TBCE: variants seen among roughly 807,000 people sequenced by gnomAD.
TBCE encodes the protein tubulin folding cofactor E.
In TBCE, 53 loss-of-function variants were observed where a neutral mutation model predicts 77.0. The observed-to-expected ratio is 0.69, with a 90% CI of 0.55 to 0.87. The LOEUF is 0.87. Ranked by LOEUF, TBCE falls within the 40% of genes least tolerant of loss-of-function variation. The probability of loss-of-function intolerance (pLI) is 0.00; values close to 1 mark genes in which losing one functional copy is unlikely to be tolerated. For synonymous variants in TBCE, 235 were observed against 241.3 expected (o/e 0.97, Z 0.24); for missense variants, 624 against 622.4 (o/e 1.00, Z -0.03).
At position 235,449,011 on chromosome 1, in the gene TBCE, A is replaced by T; in HGVS notation, c.*249A>T. On this transcript the variant is annotated 3_prime_UTR_variant, in exon 17 of 17. Transcript: ENST00000642610. ...TTCATATTTATTTTTACAGCTCATCACTGCATTTCATGATAAGATTTAAAT... is the reference window on the plus strand; with the variant it reads ...TTCATATTTATTTTTACAGCTCATCTCTGCATTTCATGATAAGATTTAAAT... 2.5e-6 allele frequency: 1 copy of T among 400,226 alleles called. No individual in the cohort carries two copies. The highest frequency in any genetic ancestry group is 4.7e-6 in the Non-Finnish European group (1 of 213,918). The allele number at this position is 400,226 out of a possible 1,614,324, so 24.8% of individuals were successfully genotyped here.
chr1:235,373,000 T>C (rs988813862), intron 1 of TBCE, among the ~76,000 whole-genome samples: 20 of 151,392 alleles, frequency 1.3e-4, no homozygotes, highest in African/African-American at 4.9e-4. Flanking sequence ...AGATGATTAA[T>C]GTGTTGACTC....
At chr1:235,393,527 G>A (rs1267874975) in intron 2 of TBCE, among the ~76,000 whole-genome samples, 1 of 152,168 alleles carries the variant, frequency 6.6e-6, no homozygotes, top group Non-Finnish European at 1.5e-5. Context: ...GACAGAGTGA[G>A]ACTGTCTAAA....
chr1:235,417,243 A>G (rs1271897985), intron 4 of TBCE, among the ~76,000 whole-genome samples: 1 of 152,180 alleles, frequency 6.6e-6, no homozygotes, highest in East Asian at 1.9e-4. Context: ...TGCCAAGTTG[A>G]CCTGGCAAAG....
At chr1:235,381,001 T>A (rs1304685507) in intron 2 of TBCE, among the ~76,000 whole-genome samples, 1 of 145,492 alleles carries the variant, frequency 6.9e-6, no homozygotes, top group African/African-American at 2.7e-5. Context: ...GTCAGGCTGG[T>A]CTCGAACTCC....
chr1:235,440,466 C>G (rs1681801616), intron 13 of TBCE, among the ~76,000 whole-genome samples: 1 of 152,056 alleles, frequency 6.6e-6, no homozygotes, highest in South Asian at 2.1e-4. Flanking sequence ...GATCTCGGCT[C>G]ACTGCAACCT....
chr1:235,398,747 CTACAGCTACTGT>C (rs1336175021), intron 2 of TBCE, among the ~76,000 whole-genome samples: 2 of 118,656 alleles, frequency 1.7e-5, no homozygotes, highest in African/African-American at 6.0e-5. Context: ...GTAGCTGGGA[CTACAGCTACTGT>C]AGTCCCAGCT....
chr1:235,430,647 A>G, intron 6 of TBCE, 58 bp from the exon 7 acceptor site: 5 of 1,250,104 alleles, frequency 4.0e-6, no homozygotes, highest in Non-Finnish European at 5.7e-6. Flanking sequence ...TTCAACAACT[A>G]TTTCAGTTGG....
At position 235,436,430 on chromosome 1, in the gene TBCE, A is replaced by G. The variant is rs771220087; in HGVS notation, c.878A>G (p.His293Arg). Residue 293 changes from histidine (H) to arginine (R), a missense_variant, in exon 10 of 17, where the codon CAT (histidine) becomes CGT (arginine). Transcript: ENST00000642610. ...TCTGACACTGGAATTTCTTCTCTACATTTTCCGGATGCTGGAATTGGTATA... is the reference window on the plus strand; with the variant it reads ...TCTGACACTGGAATTTCTTCTCTACGTTTTCCGGATGCTGGAATTGGTATA... ...ILSDTGISSLHFPDAGIGCKT... is the reference protein window; with the variant it reads ...ILSDTGISSLRFPDAGIGCKT... The G allele has an allele frequency of 9.9e-6, 16 of 1,613,788 alleles. No individual in the cohort carries two copies. The highest frequency in any genetic ancestry group is 1.7e-5 in the Admixed American group (1 of 59,964).
chr1:235,387,632 C>T (rs189636906), intron 2 of TBCE, among the ~76,000 whole-genome samples: 4 of 152,248 alleles, frequency 2.6e-5, no homozygotes, highest in South Asian at 2.1e-4. Flanking sequence ...CCTGGTGTGC[C>T]GTTTTTTAAG....
chr1:235,376,173 T>A (rs929635933), intron 1 of TBCE, among the ~76,000 whole-genome samples: 63 of 151,964 alleles, frequency 4.1e-4, no homozygotes, highest in Middle Eastern at 3.4e-3. Flanking sequence ...AAAAAAAAAA[T>A]TGTTACTGGA....
rs1682818290 is a variant in TBCE, at chr1:235,450,284, C to T, written c.*1522C>T. On this transcript the variant is annotated 3_prime_UTR_variant, in exon 17 of 17. Coordinates refer to ENST00000642610, the MANE Select transcript of TBCE (RefSeq NM_003193.5). ...GTTCCGTCAGTTCCCACGGAGAATA[C>T]TGAGGAGAAGACAGCATTCCTGTCT... 3.7e-6 allele frequency: 6 copies of T among 1,613,988 alleles called. No homozygotes were observed. The highest frequency in any genetic ancestry group is 5.1e-6 in the Non-Finnish European group (6 of 1,179,858).
chr1:235,369,824 C>T (rs1676796865), intron 1 of TBCE, among the ~76,000 whole-genome samples: 1 of 146,536 alleles, frequency 6.8e-6, no homozygotes, highest in East Asian at 1.9e-4. Context: ...AAGGGCAAAA[C>T]TCTGTCTCAA....
intron 2 of TBCE, among the ~76,000 whole-genome samples, chr1:235,391,932 T>C (rs1384300758): frequency 2.0e-5 from 3 of 152,072 alleles, no homozygotes; most frequent in Non-Finnish European, 4.4e-5. Context: ...GCTTAAGCAT[T>C]TTAAATTATA....
At chr1:235,408,767 C>T (rs535775019) in intron 3 of TBCE, among the ~76,000 whole-genome samples, 2 of 152,218 alleles carry the variant, frequency 1.3e-5, no homozygotes, top group East Asian at 3.9e-4. Context: ...GTTATGCAAC[C>T]TTGCTGAACA....
intron 3 of TBCE, among the ~76,000 whole-genome samples, chr1:235,401,826 C>CTTTTTTTTTTTTTTTTTTTTTTTTT (rs11285286): frequency 2.3e-5 from 2 of 88,606 alleles, no homozygotes; most frequent in Non-Finnish European, 4.2e-5. Flanking sequence ...TTTCTTCGTC[C>CTTTTTTTTTTTTTTTTTTTTTTTTT]TTTTTTTTTT....
At chr1:235,373,246 A>G (rs1370266214) in intron 1 of TBCE, among the ~76,000 whole-genome samples, 1 of 152,134 alleles carries the variant, frequency 6.6e-6, no homozygotes, top group Non-Finnish European at 1.5e-5. Flanking sequence ...GTTAATGAAA[A>G]TTTTGAAAGG....
rs865931756 is a variant in TBCE, at chr1:235,383,582, T to C, written c.100+3433T>C. Among the ~76,000 whole-genome samples the C allele has an allele frequency of 1.7e-3, 258 of 152,294 alleles. 2 individuals are homozygous for C. The highest frequency in any genetic ancestry group is 6.1e-3 in the African/African-American group (253 of 41,578). On this transcript the variant is annotated intron_variant, in intron 2 of 16. Coordinates refer to ENST00000642610, the MANE Select transcript of TBCE (RefSeq NM_003193.5). The stretch of plus-strand genomic sequence containing the variant: ...TATTTTATTCTCTTTGAAGCAATTG[T>C]GAATGGGATTTCACTCATGATTTGG...
intron 2 of TBCE, among the ~76,000 whole-genome samples, chr1:235,388,338 G>A (rs1678162666): frequency 6.8e-6 from 1 of 147,108 alleles, no homozygotes; most frequent in African/African-American, 2.5e-5. Flanking sequence ...GCCCAGGCTG[G>A]AGTGCAATGG....
chr1:235,400,280 C>T (rs915017111), intron 2 of TBCE, among the ~76,000 whole-genome samples: 4 of 152,044 alleles, frequency 2.6e-5, no homozygotes, highest in African/African-American at 9.7e-5. Context: ...CATATATTTA[C>T]CCTTTTCTTG....
Sources: allele counts gnomAD v4.1 joint callset (sites outside exome capture counted in the v4.1 genomes callset), GRCh38; gene constraint gnomAD v4.1.1; transcripts MANE v1.5; gene names NCBI Gene and HGNC (gene_info 2026-07-23, HGNC 2026-07-21).